Variants in RFTN1 observed in about 807,000 individuals in gnomAD.
The protein encoded by RFTN1 is raftlin.
RFTN1 carries 26 observed loss-of-function variants against 46.5 expected under a neutral mutation model. The observed-to-expected ratio is 0.56, with a 90% CI of 0.41 to 0.78. The LOEUF is 0.78. Ranked by LOEUF, RFTN1 falls within the 30% of genes least tolerant of loss-of-function variation. The pLI is 0.00. For missense variants in RFTN1, 693 were observed against 718.7 expected (o/e 0.96, Z 0.41); for synonymous variants, 261 against 284.2 (o/e 0.92, Z 0.82).
chr3:16,420,853 C>T (rs906086520), intron 3 of RFTN1, among the ~76,000 whole-genome samples: 1 of 152,216 alleles, frequency 6.6e-6, no homozygotes, highest in Non-Finnish European at 1.5e-5. Context: ...TCTGGAACCT[C>T]GTTAAAGTAC....
In RFTN1 at chr3:16,479,978, G is replaced by GA. The variant is rs1422539439; in HGVS notation, c.145+13746dup. Among the ~76,000 whole-genome samples the GA allele has an allele frequency of 6.6e-6, 1 of 152,184 alleles. No homozygotes were observed. Among genetic ancestry groups the GA allele is most frequent in the Non-Finnish European group, 1.5e-5 (1 of 68,030 alleles). ...TCCAGATATAGGAGAACAGACACCA[G>GA]ACTAGGACATTAAAAACTCCAGAAT... On this transcript the variant is annotated intron_variant, in intron 2 of 9. Coordinates refer to ENST00000334133, the MANE Select transcript of RFTN1 (RefSeq NM_015150.2). This position sits in a 1 kb window ranked among gnomAD's most constrained non-coding sequence, Gnocchi z 5.1.
In RFTN1 at chr3:16,407,295, G is replaced by A. The variant is rs746758756; in HGVS notation, c.441+2080C>T. Among the ~76,000 whole-genome samples the A allele has an allele frequency of 3.9e-5, 6 of 151,962 alleles. No individual in the cohort carries two copies. Among genetic ancestry groups the A allele is most frequent in the African/African-American group, 7.3e-5 (3 of 41,348 alleles). The stretch of plus-strand genomic sequence containing the variant: ...ACTCCTGGGCTCAAGCAATTCTCTC[G>A]CCTCAGCCTCTAGAGTAGCTAGGAC... On this transcript the variant is annotated intron_variant, in intron 4 of 9. Coordinates refer to ENST00000334133, the MANE Select transcript of RFTN1 (RefSeq NM_015150.2). This position sits in a 1 kb window ranked among gnomAD's most constrained non-coding sequence, Gnocchi z 4.0.
intron 2 of RFTN1, chr3:16,454,744 C>T (rs2075876032): frequency 1.0e-6 from 1 of 984,828 alleles, no homozygotes; most frequent in Non-Finnish European, 1.2e-6. Context: ...ACCAAGGCCT[C>T]CCTCCTTGTG....
intron 4 of RFTN1, among the ~76,000 whole-genome samples, chr3:16,406,020 A>G (rs1365117090): frequency 6.6e-6 from 1 of 152,188 alleles, no homozygotes; most frequent in East Asian, 1.9e-4. Context: ...TATTCATTAA[A>G]TATTTGCAGT....
chr3:16,365,308 C>T (rs1440850499), intron 6 of RFTN1, among the ~76,000 whole-genome samples: 1 of 152,178 alleles, frequency 6.6e-6, no homozygotes, highest in East Asian at 1.9e-4. Flanking sequence ...CCACCACTGG[C>T]ATTATTGAGC....
chr3:16,366,144 T>C (rs796468904), intron 6 of RFTN1, among the ~76,000 whole-genome samples: 1 of 139,096 alleles, frequency 7.2e-6, no homozygotes, highest in African/African-American at 2.7e-5. Context: ...AGAGGAATGC[T>C]GGGCAAGGCA....
chr3:16,398,948 G>A (rs2125417573), intron 4 of RFTN1, among the ~76,000 whole-genome samples: 1 of 152,300 alleles, frequency 6.6e-6, no homozygotes, highest in African/African-American at 2.4e-5. Flanking sequence ...TCTCTGCAGT[G>A]ACGACAAAGG....
intron 3 of RFTN1, 98 bp from the exon 4 acceptor site, chr3:16,409,581 GA>G: frequency 1.3e-6 from 1 of 776,478 alleles, no homozygotes; most frequent in Non-Finnish European, 2.1e-6. Context: ...GCAATGACGC[GA>G]TCTCGGCTCA....
chr3:16,485,389 C>T (rs1328714825), intron 2 of RFTN1, among the ~76,000 whole-genome samples: 1 of 152,154 alleles, frequency 6.6e-6, no homozygotes, highest in African/African-American at 2.4e-5. Context: ...GCAAGGACTC[C>T]ATATATACAA....
chr3:16,417,166 T>C (rs1422528211), intron 3 of RFTN1, among the ~76,000 whole-genome samples: 1 of 151,580 alleles, frequency 6.6e-6, no homozygotes, highest in African/African-American at 2.4e-5. Context: ...CATGCTACCA[T>C]GTCTGGCTAA....
intron 4 of RFTN1, among the ~76,000 whole-genome samples, chr3:16,408,862 T>C (rs888641649): frequency 2.0e-5 from 3 of 151,870 alleles, no homozygotes; most frequent in African/African-American, 7.3e-5. Context: ...CTGTAGTAAA[T>C]GTCATATTAA....
intron 2 of RFTN1, among the ~76,000 whole-genome samples, chr3:16,435,259 AT>A (rs1357762021): frequency 6.6e-6 from 1 of 152,172 alleles, no homozygotes; most frequent in African/African-American, 2.4e-5. Flanking sequence ...TTTAGAATCA[AT>A]TTTTATCAAT....
Position 16,316,658 on chromosome 3 carries a change from C to G in RFTN1, c.*170G>C. ...TCCAGTGGATGTGCAAAAACCAACA[C>G]TGTCAGGAACCTGGCCCTGGGAGGG... On this transcript the variant is annotated 3_prime_UTR_variant, in exon 10 of 10. Transcript: ENST00000334133. This position sits in a 1 kb window ranked among gnomAD's most constrained non-coding sequence, Gnocchi z 4.5. 1.4e-6 allele frequency: 1 copy of G among 736,210 alleles called. No individual in the cohort carries two copies. The highest frequency in any genetic ancestry group is 2.3e-6 in the Non-Finnish European group (1 of 429,888). 45.6% of individuals were successfully genotyped at this position (736,210 alleles called of 1,614,324 possible).
chr3:16,470,807 T>C (rs1464944604), intron 2 of RFTN1, among the ~76,000 whole-genome samples: 2 of 152,108 alleles, frequency 1.3e-5, no homozygotes, highest in Non-Finnish European at 2.9e-5. Context: ...CAGGATACAA[T>C]TCAAAATTAC....
chr3:16,380,407 C>T lies in RFTN1; in HGVS notation c.442-2305G>A, dbSNP rs1199384372. Among the ~76,000 whole-genome samples the T allele has an allele frequency of 5.3e-5, 8 of 152,124 alleles. No individual in the cohort carries two copies. The highest frequency in any genetic ancestry group is 1.2e-4 in the Non-Finnish European group (8 of 68,020). Reference sequence around the variant, plus strand: ...ACTGCTGTCATCTAGAGTGAAGAGGCGAGGACTCCAGACACAGGGCATTAT... The same window carrying T: ...ACTGCTGTCATCTAGAGTGAAGAGGTGAGGACTCCAGACACAGGGCATTAT... On this transcript the variant is annotated intron_variant, in intron 4 of 9. Coordinates refer to ENST00000334133, the MANE Select transcript of RFTN1 (RefSeq NM_015150.2). This position sits in a 1 kb window ranked among gnomAD's most constrained non-coding sequence, Gnocchi z 4.8.
In RFTN1 at chr3:16,321,767, G is replaced by A. The variant is rs975672724; in HGVS notation, c.1332+1609C>T. 1.3e-4 allele frequency among the ~76,000 whole-genome samples: 20 copies of A among 152,170 alleles called. No individual in the cohort carries two copies. The highest frequency in any genetic ancestry group is 4.6e-4 in the African/African-American group (19 of 41,438). On this transcript the variant is annotated intron_variant, in intron 9 of 9. Transcript: ENST00000334133. This position sits in a 1 kb window ranked among gnomAD's most constrained non-coding sequence, Gnocchi z 4.8. ...TTGGGATTAGAAGTTTTTACTGACT[G>A]AAAAAACAGTGGGTCCCATCCTCTC...
chr3:16,363,668 C>T (rs921763248), intron 6 of RFTN1, among the ~76,000 whole-genome samples: 21 of 152,248 alleles, frequency 1.4e-4, no homozygotes, highest in African/African-American at 4.6e-4. Context: ...CCATGACAAG[C>T]GGTCAATGCA....
chr3:16,397,288 T>C (rs926886918), intron 4 of RFTN1, among the ~76,000 whole-genome samples: 8 of 141,680 alleles, frequency 5.6e-5, no homozygotes, highest in Non-Finnish European at 1.1e-4. Context: ...ATATGTGGAA[T>C]CAAAAAAAAG....
At chr3:16,333,961 C>A (rs555940833) in intron 7 of RFTN1, among the ~76,000 whole-genome samples, 2 of 151,972 alleles carry the variant, frequency 1.3e-5, no homozygotes, top group Non-Finnish European at 2.9e-5. Flanking sequence ...GTCAGGAGAT[C>A]GAGACCATCC....
Sources: gnomAD v4.1 joint callset for allele counts (sites outside exome capture counted in the v4.1 genomes callset) on GRCh38, gnomAD v4.1.1 for gene constraint, Gnocchi (gnomAD v3.1) non-coding constraint, MANE v1.5 for transcripts, NCBI Gene and HGNC (gene_info 2026-07-23, HGNC 2026-07-21) for gene names.